MNAT1: variants seen among roughly 807,000 people sequenced by gnomAD.
MNAT1 encodes CDK-activating kinase assembly factor MAT1.
MNAT1 carries 43 observed loss-of-function variants against 42.0 expected under a neutral mutation model. The ratio of observed to expected loss-of-function variants is 1.02; its 90% CI spans 0.80 to 1.32. The LOEUF (loss-of-function observed/expected upper bound fraction) is 1.32. Among genes scored for constraint, MNAT1 ranks in the 40% most tolerant of loss-of-function variants. MNAT1 has a pLI of 0.00. For synonymous variants in MNAT1, 118 were observed against 120.0 expected (o/e 0.98, Z 0.11); for missense variants, 306 against 350.4 (o/e 0.87, Z 1.01).
chr14:60,846,347 C>T (rs1162845153), intron 6 of MNAT1, among the ~76,000 whole-genome samples: 1 of 151,916 alleles, frequency 6.6e-6, no homozygotes. Context: ...GTGTGACAGT[C>T]TTGTTGATCT....
intron 7 of MNAT1, among the ~76,000 whole-genome samples, chr14:60,952,990 C>T (rs138027809): frequency 9.9e-5 from 15 of 152,050 alleles, no homozygotes; most frequent in South Asian, 4.2e-4. Flanking sequence ...AAGCATTTCA[C>T]GGCCAGGGGC....
intron 1 of MNAT1, among the ~76,000 whole-genome samples, chr14:60,762,073 A>G (rs17256107): frequency 0.44 from 66,234 of 151,906 alleles, 17,783 homozygotes; most frequent in Admixed American, 0.58. Context: ...TACTGATTCT[A>G]TTTTTCTTCA....
chr14:60,799,332 A>G lies in MNAT1; in HGVS notation c.316+1172A>G, dbSNP rs1481927840. The G allele has an allele frequency of 2.5e-5, 25 of 985,238 alleles. No individual in the cohort carries two copies. The Admixed American group carries it at 1.5e-3, about 61-fold the overall frequency. The allele number at this position is 985,238 out of a possible 1,614,324, so 61.0% of individuals were successfully genotyped here. Reference sequence around the variant, plus strand: ...AGTGACAAGGCAAAGTGGAAAAGTTAGAATGTAGACTGAGAAGAAAAACCA... The same window carrying G: ...AGTGACAAGGCAAAGTGGAAAAGTTGGAATGTAGACTGAGAAGAAAAACCA... On this transcript the variant is annotated intron_variant, in intron 3 of 7. Transcript: ENST00000261245.
At chr14:60,801,886 T>C (rs1179576588) in intron 3 of MNAT1, among the ~76,000 whole-genome samples, 3 of 152,170 alleles carry the variant, frequency 2.0e-5, no homozygotes, top group East Asian at 1.9e-4. Context: ...GTGTCCATCA[T>C]TGGATGAATA....
chr14:60,796,758 CAAAA>C, intron 2 of MNAT1, among the ~76,000 whole-genome samples: 1 of 151,698 alleles, frequency 6.6e-6, no homozygotes. Flanking sequence ...AGCAAAAAGA[CAAAA>C]AAACAAGTAA....
At chr14:60,751,112 A>G (rs2030072642) in intron 1 of MNAT1, among the ~76,000 whole-genome samples, 1 of 150,444 alleles carries the variant, frequency 6.6e-6, no homozygotes, top group Non-Finnish European at 1.5e-5. Flanking sequence ...TTTTTTTTTA[A>G]TCAAATGGGG....
intron 7 of MNAT1, among the ~76,000 whole-genome samples, chr14:60,892,416 T>C (rs2034865700): frequency 6.6e-6 from 1 of 152,148 alleles, no homozygotes; most frequent in African/African-American, 2.4e-5. Flanking sequence ...CTCTGTTCTG[T>C]TTTTGTTACT....
At chr14:60,822,730 C>T (rs2139370438) in intron 6 of MNAT1, among the ~76,000 whole-genome samples, 1 of 151,942 alleles carries the variant, frequency 6.6e-6, no homozygotes, top group East Asian at 1.9e-4. Context: ...AGGTGTGAGC[C>T]AGTGTGCTCA....
At chr14:60,779,068 T>A (rs914690412) in intron 1 of MNAT1, among the ~76,000 whole-genome samples, 5 of 152,198 alleles carry the variant, frequency 3.3e-5, no homozygotes, top group African/African-American at 1.2e-4. Context: ...CCATGCCTGC[T>A]GTCTGGTCAC....
At chr14:60,891,546 A>G in intron 7 of MNAT1, among the ~76,000 whole-genome samples, 1 of 151,710 alleles carries the variant, frequency 6.6e-6, no homozygotes, top group Non-Finnish European at 1.5e-5. Flanking sequence ...CGCCTCCCAT[A>G]TTCAAGTGCT....
intron 1 of MNAT1, among the ~76,000 whole-genome samples, chr14:60,752,372 A>G (rs934716640): frequency 7.2e-5 from 11 of 152,210 alleles, no homozygotes; most frequent in African/African-American, 1.9e-4. Context: ...ATTTTTTAAA[A>G]AATGTATTTT....
chr14:60,962,505 C>T (rs892222093), intron 7 of MNAT1, among the ~76,000 whole-genome samples: 6 of 152,144 alleles, frequency 3.9e-5, no homozygotes, highest in Admixed American at 6.5e-5. Flanking sequence ...GCTATATCTT[C>T]TGTGTGTTCT....
At chr14:60,911,682 G>A (rs1332972551) in intron 7 of MNAT1, among the ~76,000 whole-genome samples, 1 of 152,220 alleles carries the variant, frequency 6.6e-6, no homozygotes, top group East Asian at 1.9e-4. Context: ...TGTGGTCTGA[G>A]AGACAGTTTG....
intron 1 of MNAT1, among the ~76,000 whole-genome samples, chr14:60,736,874 T>A (rs1055702290): frequency 2.6e-5 from 4 of 152,136 alleles, no homozygotes; most frequent in Admixed American, 1.3e-4. Context: ...TATTGGCTAT[T>A]TTATTATTAT....
chr14:60,953,831 G>A (rs1424758016), intron 7 of MNAT1, among the ~76,000 whole-genome samples: 2 of 152,090 alleles, frequency 1.3e-5, no homozygotes, highest in Admixed American at 6.6e-5. Context: ...TAACAGGTGT[G>A]AGGTGATACC....
intron 7 of MNAT1, among the ~76,000 whole-genome samples, chr14:60,939,455 G>T (rs2036088073): frequency 6.6e-6 from 1 of 152,140 alleles, no homozygotes; most frequent in Admixed American, 6.5e-5. Context: ...TGGTTTCAAA[G>T]AACATCTTAA....
intron 7 of MNAT1, among the ~76,000 whole-genome samples, chr14:60,933,758 T>G (rs1240384887): frequency 6.6e-6 from 1 of 152,174 alleles, no homozygotes. Context: ...AATTCCGTAC[T>G]ATGGTATTCC....
rs528035234 is a variant in MNAT1 at position 60,857,369 on chromosome 14, A to C, written c.688-22345A>C. 3.4e-4 allele frequency among the ~76,000 whole-genome samples: 52 copies of C among 152,190 alleles called. No homozygotes were observed. In the East Asian group the frequency reaches 6.0e-3, roughly 18 times the overall value. ...GTGGTAGAAACAATAAGAGAACTAG[A>C]ATTAGCAGTAGAGCCTGATGGTGTA... On this transcript the variant is annotated intron_variant, in intron 6 of 7. Coordinates refer to ENST00000261245, the MANE Select transcript of MNAT1 (RefSeq NM_002431.4).
At chr14:60,916,106 C>T (rs2035507052) in intron 7 of MNAT1, among the ~76,000 whole-genome samples, 1 of 152,188 alleles carries the variant, frequency 6.6e-6, no homozygotes, top group African/African-American at 2.4e-5. Flanking sequence ...TCATTTGTTA[C>T]AGTTAACATC....
Sources: allele counts gnomAD v4.1 joint callset (sites outside exome capture counted in the v4.1 genomes callset), GRCh38; gene constraint gnomAD v4.1.1; transcripts MANE v1.5; gene names NCBI Gene and HGNC (gene_info 2026-07-23, HGNC 2026-07-21).